UNC13C: variants seen among roughly 807,000 people sequenced by gnomAD.
UNC13C encodes the protein unc-13 homolog C.
Under a neutral mutation model 245.4 loss-of-function variants are expected in UNC13C, and 174 were observed. That is an observed-to-expected ratio of 0.71 (90% CI 0.63 to 0.80). The LOEUF is 0.80. Ranked by LOEUF, UNC13C falls within the 30% of genes least tolerant of loss-of-function variation. The pLI, the probability that UNC13C is intolerant of heterozygous loss-of-function variation, is 0.00. For missense variants in UNC13C, 2,829 were observed against 2,602.9 expected, an observed-to-expected ratio of 1.09 and a Z score of -1.89; for synonymous variants, 992 against 895.1, an observed-to-expected ratio of 1.11 and a Z score of -1.93.
chr15:54,199,304 C>G (rs1380489286), intron 4 of UNC13C, among the ~76,000 whole-genome samples: 1 of 152,050 alleles, frequency 6.6e-6, no homozygotes, highest in Non-Finnish European at 1.5e-5. Context: ...CCCAGCCTTG[C>G]TAGAGAGCCA....
intron 13 of UNC13C, 147 bp from the exon 14 acceptor site, chr15:54,321,792 T>G: frequency 2.4e-6 from 2 of 843,956 alleles, no homozygotes; most frequent in Non-Finnish European, 3.5e-6. Context: ...AAGGCCAAAA[T>G]TGTTTTTCTT....
At chr15:54,427,344 C>T (rs1399623709) in intron 19 of UNC13C, among the ~76,000 whole-genome samples, 1 of 151,602 alleles carries the variant, frequency 6.6e-6, no homozygotes, top group Non-Finnish European at 1.5e-5. Context: ...TTGTTTCTTC[C>T]TCATTTTCTC....
chr15:54,482,280 C>T (rs1000406864), intron 19 of UNC13C, among the ~76,000 whole-genome samples: 4 of 152,012 alleles, frequency 2.6e-5, no homozygotes, highest in Admixed American at 1.3e-4. Flanking sequence ...CAGGATAGTC[C>T]AGTGAGGCCT....
chr15:53,912,578 A>G, the UNC13C span: 1 of 147,356 alleles, frequency 6.8e-6, no homozygotes, highest in African/African-American at 2.5e-5. Context: ...TGTTTCTCCT[A>G]TACATGAATA....
At chr15:53,847,113 A>G in the UNC13C span, among the ~76,000 whole-genome samples, 3 of 152,164 alleles carry the variant, frequency 2.0e-5, no homozygotes, top group Non-Finnish European at 4.4e-5. Flanking sequence ...AGGAAGGGGA[A>G]ACTAGACCCT....
chr15:54,043,518 G>T lies in UNC13C; in HGVS notation c.2983+27632G>T, dbSNP rs572353227. 9.9e-5 allele frequency among the ~76,000 whole-genome samples: 15 copies of T among 152,216 alleles called. No individual in the cohort carries two copies. In the South Asian group the frequency reaches 3.1e-3, roughly 32 times the overall value. On this transcript the variant is annotated intron_variant, in intron 2 of 32. Transcript: ENST00000260323. ...GATTCTGTCTTCTCTAAGCAAGTTTGTGCTTTTTTCCTCTGGCTTTCCTCT... is the reference window on the plus strand; with the variant it reads ...GATTCTGTCTTCTCTAAGCAAGTTTTTGCTTTTTTCCTCTGGCTTTCCTCT...
intron 10 of UNC13C, among the ~76,000 whole-genome samples, chr15:54,267,295 C>CA (rs1201947374): frequency 1.4e-5 from 2 of 145,340 alleles, no homozygotes; most frequent in African/African-American, 2.8e-5. Context: ...CAAAACAAAA[C>CA]AAAAAAACCC....
the UNC13C span, among the ~76,000 whole-genome samples, chr15:53,929,802 C>T: frequency 9.9e-5 from 15 of 152,138 alleles, no homozygotes; most frequent in Non-Finnish European, 2.2e-4. Context: ...AAATGTAGCT[C>T]TTCATTCTTG....
At chr15:54,304,718 C>A (rs2037682261) in intron 13 of UNC13C, among the ~76,000 whole-genome samples, 1 of 149,804 alleles carries the variant, frequency 6.7e-6, no homozygotes, top group Non-Finnish European at 1.5e-5. Flanking sequence ...AATGAAAATT[C>A]CCTTGTCTAA....
intron 17 of UNC13C, 106 bp downstream of exon 17, chr15:54,338,595 C>T: frequency 6.4e-6 from 8 of 1,245,084 alleles, no homozygotes; most frequent in East Asian, 2.4e-5. Context: ...TTTAATTTCA[C>T]ATTAACTGCA....
chr15:54,454,272 T>A (rs1891347648), intron 19 of UNC13C, among the ~76,000 whole-genome samples: 1 of 152,088 alleles, frequency 6.6e-6, no homozygotes, highest in African/African-American at 2.4e-5. Context: ...AGAAACTCTG[T>A]ACCCAGTGAA....
At chr15:54,536,157 C>T (rs889720960) in intron 26 of UNC13C, among the ~76,000 whole-genome samples, 7 of 151,940 alleles carry the variant, frequency 4.6e-5, no homozygotes, top group Admixed American at 2.6e-4. Context: ...GCATTACCAC[C>T]GACCCCACAG....
At chr15:54,307,053 C>A (rs964557085) in intron 13 of UNC13C, among the ~76,000 whole-genome samples, 2 of 151,914 alleles carry the variant, frequency 1.3e-5, no homozygotes, top group Non-Finnish European at 2.9e-5. Flanking sequence ...TTCTCATGAA[C>A]CCCACATTCT....
At chr15:54,023,514 A>G (rs1895985460) in intron 2 of UNC13C, among the ~76,000 whole-genome samples, 1 of 152,214 alleles carries the variant, frequency 6.6e-6, no homozygotes, top group Non-Finnish European at 1.5e-5. Flanking sequence ...AGGTGATGCT[A>G]GTCACTTGAA....
chr15:54,082,700 C>T (rs2141120433), intron 2 of UNC13C, among the ~76,000 whole-genome samples: 1 of 152,180 alleles, frequency 6.6e-6, no homozygotes. Flanking sequence ...AAGGAACCGT[C>T]GCTTCTTATT....
chr15:54,526,864 A>T (rs943945265), intron 25 of UNC13C, among the ~76,000 whole-genome samples: 2 of 151,978 alleles, frequency 1.3e-5, no homozygotes, highest in South Asian at 2.1e-4. Context: ...TCAATTAGTT[A>T]TGCCATTTTT....
intron 7 of UNC13C, among the ~76,000 whole-genome samples, chr15:54,245,775 A>G (rs145161744): frequency 6.6e-6 from 1 of 152,264 alleles, no homozygotes; most frequent in African/African-American, 2.4e-5. Flanking sequence ...AGCGTACATC[A>G]AGTATATGAA....
chr15:54,024,910 G>A (rs1896045437), intron 2 of UNC13C, among the ~76,000 whole-genome samples: 2 of 149,304 alleles, frequency 1.3e-5, no homozygotes, highest in African/African-American at 4.9e-5. Context: ...GAGAAACTCC[G>A]TCTCAAAAAA....
chr15:54,351,137 A>G (rs1596266918), intron 17 of UNC13C, among the ~76,000 whole-genome samples: 1 of 152,200 alleles, frequency 6.6e-6, no homozygotes, highest in African/African-American at 2.4e-5. Context: ...TCCAGTAAAC[A>G]TAATAAATTG....
Sources: gnomAD v4.1 joint callset for allele counts (sites outside exome capture counted in the v4.1 genomes callset) on GRCh38, gnomAD v4.1.1 for gene constraint, MANE v1.5 for transcripts, NCBI Gene and HGNC (gene_info 2026-07-23, HGNC 2026-07-21) for gene names.